The following ATP2C2 variants were observed in gnomAD, a reference collection of about 807,000 sequenced individuals.
ATP2C2 encodes the protein ATPase secretory pathway Ca2+ transporting 2.
ATP2C2 carries 171 observed loss-of-function variants against 110.8 expected under a neutral mutation model. That is an observed-to-expected ratio of 1.54 (90% CI 1.36 to 1.75). The LOEUF (loss-of-function observed/expected upper bound fraction) is 1.75. Among genes scored for constraint, ATP2C2 ranks in the 40% most tolerant of loss-of-function variants. ATP2C2 has a pLI of 0.00. For synonymous variants in ATP2C2, 804 were observed against 508.4 expected (o/e 1.58, Z -7.82); for missense variants, 1,963 against 1,235.0 (o/e 1.59, Z -8.84).
chr16:84,441,972 A>T (rs1909303006), intron 14 of ATP2C2, among the ~76,000 whole-genome samples: 1 of 142,414 alleles, frequency 7.0e-6, no homozygotes, highest in Non-Finnish European at 1.5e-5. Flanking sequence ...TAATAATAAA[A>T]AAGAAAAGAA....
At position 84,427,641 on chromosome 16, in the gene ATP2C2, C is replaced by T. The variant is rs148291726; in HGVS notation, c.986+1840C>T. Among the ~76,000 whole-genome samples the T allele has an allele frequency of 6.9e-3, 1,057 of 152,184 alleles. 14 individuals carry two copies. Among genetic ancestry groups the T allele is most frequent in the African/African-American group, 0.023 (963 of 41,504 alleles). Reference sequence around the variant, plus strand: ...CTGAGGCAGAAGAATCGCTTGAGCCCGGGAGGTGGAGTTTGCAGTGAGCCG... The same window carrying T: ...CTGAGGCAGAAGAATCGCTTGAGCCTGGGAGGTGGAGTTTGCAGTGAGCCG... On this transcript the variant is annotated intron_variant, in intron 11 of 26. Coordinates refer to ENST00000262429, the MANE Select transcript of ATP2C2 (RefSeq NM_014861.4).
rs773165390 is a variant in ATP2C2 at position 84,462,138 on chromosome 16, T to G, written c.2722+9T>G. The G allele has an allele frequency of 3.2e-5, 52 of 1,610,784 alleles. No homozygotes were observed. Among genetic ancestry groups the G allele is most frequent in the Non-Finnish European group, 4.3e-5 (51 of 1,177,950 alleles). On this transcript the variant is annotated intron_variant, in intron 26 of 26. Transcript: ENST00000262429. The stretch of plus-strand genomic sequence containing the variant: ...GAACCTGGGAGCGCTTGGTGAGTGG[T>G]GGGGACGGGAACGACAGGTGACCTC...
intron 1 of ATP2C2, among the ~76,000 whole-genome samples, chr16:84,385,460 A>G (rs1399969901): frequency 6.6e-6 from 1 of 152,150 alleles, no homozygotes; most frequent in Non-Finnish European, 1.5e-5. Context: ...TATCACCATC[A>G]TCATCATTCT....
intron 1 of ATP2C2, among the ~76,000 whole-genome samples, chr16:84,390,740 C>T (rs953746112): frequency 6.6e-6 from 1 of 152,138 alleles, no homozygotes; most frequent in Non-Finnish European, 1.5e-5. Flanking sequence ...GTACTAGATG[C>T]ACTGAACTGC....
At chr16:84,414,035 A>C (rs1263950361) in intron 6 of ATP2C2, among the ~76,000 whole-genome samples, 1 of 152,138 alleles carries the variant, frequency 6.6e-6, no homozygotes, top group Non-Finnish European at 1.5e-5. Flanking sequence ...ACAAATAAAA[A>C]ACCCCACTGA....
chr16:84,436,389 C>T (rs514726), intron 11 of ATP2C2, among the ~76,000 whole-genome samples: 3 of 151,954 alleles, frequency 2.0e-5, no homozygotes, highest in South Asian at 2.1e-4. Context: ...TCGCCCTGGC[C>T]GATTTCACGT....
chr16:84,408,415 C>A lies in ATP2C2; in HGVS notation c.338C>A (p.Pro113His). Residue 113 changes from proline (P) to histidine (H), a missense_variant, in exon 4 of 27, where the codon CCC becomes CAC. Transcript: ENST00000262429. The part of the protein sequence containing the change: ...WKKYLDQFKN[P>H]LILLLLGSAL... ...TTATTTCCTCTTCAGTTTAAGAACC[C>A]CCTGATCCTGCTGCTGCTGGGCTCT... 1.2e-6 allele frequency: 2 copies of A among 1,613,890 alleles called. No individual in the cohort carries two copies. The highest frequency in any genetic ancestry group is 1.7e-6 in the Non-Finnish European group (2 of 1,179,974).
intron 14 of ATP2C2, 90 bp downstream of exon 14, chr16:84,441,048 A>C (rs913235586): frequency 2.6e-6 from 3 of 1,144,360 alleles, no homozygotes; most frequent in Non-Finnish European, 3.9e-6. Context: ...CATTGAACCT[A>C]CTGGTTCTTG....
At chr16:84,435,829 A>G (rs1042615056) in intron 11 of ATP2C2, among the ~76,000 whole-genome samples, 3 of 151,344 alleles carry the variant, frequency 2.0e-5, no homozygotes, top group Non-Finnish European at 4.4e-5. Context: ...CCTGCCTCAA[A>G]AAAAAAAATA....
chr16:84,460,237 G>T (rs1911153189), intron 23 of ATP2C2: 1 of 243,680 alleles, frequency 4.1e-6, no homozygotes, highest in East Asian at 1.1e-4. Flanking sequence ...GCCTGCTGCG[G>T]GTCTAGCCTC....
chr16:84,439,209 A>T lies in ATP2C2; in HGVS notation c.1030A>T (p.Met344Leu). The change falls in exon 12 of 27, where the codon ATG becomes TTG. Residue 344 changes from methionine (M) to leucine (L), a missense_variant. Coordinates refer to ENST00000262429, the MANE Select transcript of ATP2C2 (RefSeq NM_014861.4). ...TCCAGAGGGTCTGCCCATCGTCGTC[A>T]TGGTGACGCTGGTCCTGGGAGTGCT... ...AIPEGLPIVV[M>L]VTLVLGVLRM... The T allele has an allele frequency of 6.2e-7, 1 of 1,612,254 alleles. No individual in the cohort carries two copies. Among genetic ancestry groups the T allele is most frequent in the South Asian group, 1.1e-5 (1 of 90,990 alleles).
chr16:84,463,989 A>G lies in ATP2C2; in HGVS notation c.*257A>G, dbSNP rs1377245675. 7.9e-6 allele frequency: 3 copies of G among 380,762 alleles called. No individual in the cohort carries two copies. Among genetic ancestry groups the G allele is most frequent in the South Asian group, 4.5e-5 (1 of 22,190 alleles). The allele number at this position is 380,762 out of a possible 1,614,324, so 23.6% of individuals were successfully genotyped here. A position where few individuals can be genotyped will look rare whatever the true frequency, so the allele number is the denominator to read the frequency against. The stretch of plus-strand genomic sequence containing the variant: ...ACACCACACTGTTTATTAAATCACA[A>G]TGATTTTTATTAACCATGTCTAACT... On this transcript the variant is annotated 3_prime_UTR_variant, in exon 27 of 27. Coordinates refer to ENST00000262429, the MANE Select transcript of ATP2C2 (RefSeq NM_014861.4).
chr16:84,433,318 G>A (rs1255878162), intron 11 of ATP2C2, among the ~76,000 whole-genome samples: 1 of 152,058 alleles, frequency 6.6e-6, no homozygotes, highest in Non-Finnish European at 1.5e-5. Flanking sequence ...GGGAAGTCAA[G>A]GTTTCAGTGA....
chr16:84,451,910 T>C lies in ATP2C2; in HGVS notation c.1661-11T>C, dbSNP rs1053690358. ...CCCGGTGACCCCTCCTTACTCCCCC[T>C]CTCTCCTCAGTGCTGGCCCTGGCTT... is the stretch of plus-strand genomic sequence containing the variant. On this transcript the variant is annotated splice_polypyrimidine_tract_variant and intron_variant, in intron 17 of 26. Transcript: ENST00000262429. 21 of 1,609,292 alleles carry C rather than the reference T, an allele frequency of 1.3e-5. 1 individual carries two copies. In the Middle Eastern group the frequency reaches 8.3e-4, roughly 64 times the overall value.
intron 10 of ATP2C2, among the ~76,000 whole-genome samples, chr16:84,423,717 G>A (rs1907558282): frequency 6.6e-6 from 1 of 152,192 alleles, no homozygotes; most frequent in Non-Finnish European, 1.5e-5. Flanking sequence ...ACCAGGAAGT[G>A]GAATCATCAA....
Position 84,462,174 on chromosome 16 carries a change from A to G in ATP2C2, c.2722+45A>G. ...ACGACAGGTGACCTCGACCAGGGCC[A>G]TGGGGGGCGGCAGCTGCCAGGTGGG... On this transcript the variant is annotated intron_variant, in intron 26 of 26. Transcript: ENST00000262429. 3.2e-6 allele frequency: 5 copies of G among 1,584,226 alleles called. No homozygotes were observed. In the South Asian group the frequency reaches 5.7e-5, roughly 18 times the overall value.
intron 18 of ATP2C2, among the ~76,000 whole-genome samples, chr16:84,452,935 C>A (rs1004740789): frequency 2.6e-5 from 4 of 152,156 alleles, no homozygotes; most frequent in Non-Finnish European, 2.9e-5. Context: ...TTCTGTTTCC[C>A]CATCTTTAAA....
At chr16:84,432,990 C>T (rs1908413912) in intron 11 of ATP2C2, among the ~76,000 whole-genome samples, 1 of 152,168 alleles carries the variant, frequency 6.6e-6, no homozygotes, top group African/African-American at 2.4e-5. Context: ...GTGACTGAGC[C>T]TTTGGAGGCA....
chr16:84,459,574 C>A, intron 23 of ATP2C2, 188 bp downstream of exon 23: 2 of 1,536,258 alleles, frequency 1.3e-6, no homozygotes, highest in Non-Finnish European at 1.7e-6. Context: ...GGAGAAAGTA[C>A]CTGGGCCGGC....
Sources: allele counts gnomAD v4.1 joint callset (sites outside exome capture counted in the v4.1 genomes callset), GRCh38; gene constraint gnomAD v4.1.1; transcripts MANE v1.5; gene names NCBI Gene and HGNC (gene_info 2026-07-23, HGNC 2026-07-21).